Variants in ZC3HAV1 observed in about 807,000 individuals in gnomAD.
The protein encoded by ZC3HAV1 is zinc finger CCCH-type containing, antiviral 1.
ZC3HAV1 carries 41 observed loss-of-function variants against 86.6 expected under a neutral mutation model. The ratio of observed to expected loss-of-function variants is 0.47; its 90% CI spans 0.37 to 0.61. ZC3HAV1 has a LOEUF of 0.61. Ranked by LOEUF, ZC3HAV1 falls within the 20% of genes least tolerant of loss-of-function variation. The probability of loss-of-function intolerance (pLI) is 0.00; values close to 1 mark genes in which losing one functional copy is unlikely to be tolerated. For missense variants in ZC3HAV1, 964 were observed against 1,141.1 expected (o/e 0.84, Z 2.24); for synonymous variants, 421 against 432.1 (o/e 0.97, Z 0.32).
intron 8 of ZC3HAV1, 27 bp from the exon 9 acceptor site, chr7:139,061,165 A>C: frequency 6.2e-7 from 1 of 1,601,716 alleles, no homozygotes; most frequent in Admixed American, 1.7e-5. Context: ...AAATAAAAGC[A>C]GTGAGAATCA....
At chr7:139,048,339 C>T (rs1816020564) in intron 12 of ZC3HAV1, among the ~76,000 whole-genome samples, 1 of 152,142 alleles carries the variant, frequency 6.6e-6, no homozygotes, top group Non-Finnish European at 1.5e-5. Context: ...GGTGCAGTGG[C>T]TCATGTCTGT....
chr7:139,088,006 C>T (rs1392682418), intron 2 of ZC3HAV1, among the ~76,000 whole-genome samples: 3 of 131,966 alleles, frequency 2.3e-5, no homozygotes, highest in Admixed American at 1.8e-4. Flanking sequence ...CACTACAGCC[C>T]GGGTGACAGA....
intron 1 of ZC3HAV1, among the ~76,000 whole-genome samples, chr7:139,095,129 T>A (rs1194573719): frequency 6.6e-6 from 1 of 152,006 alleles, no homozygotes; most frequent in African/African-American, 2.4e-5. Context: ...CACCATGATA[T>A]AAGCCAGGTA....
intron 7 of ZC3HAV1, among the ~76,000 whole-genome samples, chr7:139,072,894 C>A (rs868636753): frequency 1.3e-5 from 2 of 152,208 alleles, no homozygotes; most frequent in Non-Finnish European, 2.9e-5. Context: ...AGTCTCTGTA[C>A]ATTTTATGTG....
intron 2 of ZC3HAV1, among the ~76,000 whole-genome samples, chr7:139,088,354 T>A (rs949007611): frequency 6.6e-6 from 1 of 152,184 alleles, no homozygotes; most frequent in Non-Finnish European, 1.5e-5. Context: ...TTTCCCAGAC[T>A]CCCTTTCAGC....
chr7:139,082,745 A>G (rs1294472938), intron 3 of ZC3HAV1, among the ~76,000 whole-genome samples: 1 of 152,200 alleles, frequency 6.6e-6, no homozygotes, highest in Non-Finnish European at 1.5e-5. Flanking sequence ...ATATTGTACG[A>G]TTCCACTTAT....
rs367919128 is a variant in ZC3HAV1 at position 139,047,328 on chromosome 7, C to CAA, written c.*264_*265dup. 1,049 of 260,914 alleles carry CAA rather than the reference C, an allele frequency of 4.0e-3. No homozygotes were observed. The highest frequency in any genetic ancestry group is 5.7e-3 in the East Asian group (39 of 6,888). 16.2% of individuals were successfully genotyped at this position (260,914 alleles called of 1,614,324 possible). ...TGGACGATGGAGTGAGATTCAGTCT[C>CAA]AAAAAAAAAAAAAAAAAAAAAAATA... is the stretch of plus-strand genomic sequence containing the variant. On this transcript the variant is annotated 3_prime_UTR_variant, in exon 13 of 13. Coordinates refer to ENST00000242351, the MANE Select transcript of ZC3HAV1 (RefSeq NM_020119.4).
At chr7:139,059,008 T>A (rs989413884) in intron 9 of ZC3HAV1, among the ~76,000 whole-genome samples, 3 of 149,400 alleles carry the variant, frequency 2.0e-5, no homozygotes, top group Admixed American at 6.6e-5. Flanking sequence ...ACCGGAACTT[T>A]AAAAAAAAAA....
At chr7:139,067,969 TG>T (rs1175200095) in intron 7 of ZC3HAV1, among the ~76,000 whole-genome samples, 1 of 149,646 alleles carries the variant, frequency 6.7e-6, no homozygotes, top group Non-Finnish European at 1.5e-5. Context: ...ACAGGTTTCC[TG>T]GCTTTGATAA....
chr7:139,084,358 G>T (rs1279972505), intron 2 of ZC3HAV1, among the ~76,000 whole-genome samples: 1 of 152,204 alleles, frequency 6.6e-6, no homozygotes, highest in Admixed American at 6.5e-5. Context: ...CTCATCTTTG[G>T]TTATCAACTC....
chr7:139,064,821 C>A, intron 8 of ZC3HAV1, 58 bp downstream of exon 8: 2 of 1,613,180 alleles, frequency 1.2e-6, no homozygotes, highest in South Asian at 2.2e-5. Context: ...CCCACTCCCA[C>A]GTGTACACTG....
chr7:139,101,277 G>C (rs1180592669), intron 1 of ZC3HAV1, among the ~76,000 whole-genome samples: 4 of 151,316 alleles, frequency 2.6e-5, no homozygotes, highest in Middle Eastern at 3.4e-3. Context: ...CGTCTGGGAA[G>C]TGAGGAGCGT....
At chr7:139,097,428 A>ATATATATTT in intron 1 of ZC3HAV1, among the ~76,000 whole-genome samples, 5 of 48,160 alleles carry the variant, frequency 1.0e-4, no homozygotes, top group African/African-American at 5.7e-4. Flanking sequence ...ATATATATAT[A>ATATATATTT]TTTTTTTTTT....
At chr7:139,106,203 T>C (rs1410921315) in intron 1 of ZC3HAV1, among the ~76,000 whole-genome samples, 2 of 152,218 alleles carry the variant, frequency 1.3e-5, no homozygotes, top group Admixed American at 1.3e-4. Context: ...AGTTTTGCTG[T>C]TTCAAACCAG....
intron 2 of ZC3HAV1, among the ~76,000 whole-genome samples, chr7:139,087,420 A>G (rs572905599): frequency 7.5e-6 from 1 of 132,964 alleles, no homozygotes; most frequent in East Asian, 2.0e-4. Flanking sequence ...AGAGACAGAG[A>G]GAGAGAGAGA....
rs576174514 is a variant in ZC3HAV1, at chr7:139,095,298, G to A, written c.309-5539C>T. Among the ~76,000 whole-genome samples, 90 of 152,234 alleles carry A rather than the reference G, an allele frequency of 5.9e-4. 1 individual carries two copies. The highest frequency in any genetic ancestry group is 6.8e-3 in the Middle Eastern group (2 of 294). Reference sequence around the variant, plus strand: ...TTCTGATATTCAAGATTAAATTGCCGTGTTATTAGAGGGTAGGGATGGTTT... The same window carrying A: ...TTCTGATATTCAAGATTAAATTGCCATGTTATTAGAGGGTAGGGATGGTTT... On this transcript the variant is annotated intron_variant, in intron 1 of 12. Transcript: ENST00000242351.
intron 12 of ZC3HAV1, 140 bp from the exon 13 acceptor site, chr7:139,047,993 G>T: frequency 1.1e-6 from 1 of 883,804 alleles, no homozygotes; most frequent in Non-Finnish European, 1.7e-6. Flanking sequence ...ACTTTCCTTT[G>T]CACTTAAAAA....
chr7:139,089,382 A>T (rs922828552), intron 2 of ZC3HAV1, among the ~76,000 whole-genome samples: 11 of 152,122 alleles, frequency 7.2e-5, no homozygotes, highest in African/African-American at 2.4e-4. Context: ...TTCAGCTCAT[A>T]CTTACTCACA....
At chr7:139,056,519 C>A (rs1475477987) in intron 9 of ZC3HAV1, among the ~76,000 whole-genome samples, 1 of 151,474 alleles carries the variant, frequency 6.6e-6, no homozygotes, top group African/African-American at 2.4e-5. Flanking sequence ...CCACCTCAAC[C>A]TCTTGAGTAG....
Sources: allele counts gnomAD v4.1 joint callset (sites outside exome capture counted in the v4.1 genomes callset), GRCh38; gene constraint gnomAD v4.1.1; transcripts MANE v1.5; gene names NCBI Gene and HGNC (gene_info 2026-07-23, HGNC 2026-07-21).